The following AKAP9 variants were observed in gnomAD, a reference collection of about 807,000 sequenced individuals.
AKAP9 encodes the protein A-kinase anchor protein 9.
AKAP9 carries 311 observed loss-of-function variants against 488.5 expected under a neutral mutation model. The observed-to-expected ratio is 0.64, with a 90% CI of 0.58 to 0.70. AKAP9 has a LOEUF of 0.70. Among genes scored for constraint, AKAP9 ranks in the 30% least tolerant of loss-of-function variants. The pLI, the probability that AKAP9 is intolerant of heterozygous loss-of-function variation, is 0.00. For synonymous variants in AKAP9, 1,462 were observed against 1,483.5 expected (o/e 0.99, Z 0.33); for missense variants, 4,215 against 4,374.5 (o/e 0.96, Z 1.03).
intron 7 of AKAP9, among the ~76,000 whole-genome samples, chr7:91,999,065 C>T (rs1339698785): frequency 6.6e-6 from 1 of 152,074 alleles, no homozygotes; most frequent in Admixed American, 6.6e-5. Context: ...GAATTTTGCC[C>T]AAGAGGCTGC....
intron 8 of AKAP9, among the ~76,000 whole-genome samples, chr7:92,007,942 G>A (rs1800139779): frequency 6.6e-6 from 1 of 152,110 alleles, no homozygotes. Flanking sequence ...TAGTTCTAGA[G>A]GCTAGAATAT....
chr7:91,941,233 G>T lies in AKAP9; in HGVS notation c.48+86G>T. On this transcript the variant is annotated intron_variant, in intron 1 of 49. Coordinates refer to ENST00000356239, the MANE Select transcript of AKAP9 (RefSeq NM_005751.5). ...GGGGGCCTGGGAAGCGGAGTTCGCC[G>T]CAGCCCCAGTGCACTGCCCGAGAGG... 6.6e-6 allele frequency: 9 copies of T among 1,363,694 alleles called. No homozygotes were observed. In the South Asian group the frequency reaches 8.2e-5, roughly 12 times the overall value. The allele number at this position is 1,363,694 out of a possible 1,614,324, so 84.5% of individuals were successfully genotyped here.
intron 24 of AKAP9, among the ~76,000 whole-genome samples, chr7:92,064,925 AG>A (rs1810524647): frequency 6.6e-6 from 1 of 151,932 alleles, no homozygotes; most frequent in Middle Eastern, 3.2e-3. Context: ...TTTGCCCAGT[AG>A]TAAAAATAGA....
intron 3 of AKAP9, among the ~76,000 whole-genome samples, chr7:91,985,582 T>C (rs1263916863): frequency 2.6e-5 from 4 of 152,198 alleles, no homozygotes; most frequent in Non-Finnish European, 4.4e-5. Flanking sequence ...TCTTTTTTGT[T>C]GTGTCTCTGC....
At chr7:91,994,474 G>T in intron 5 of AKAP9, 147 bp from the exon 6 acceptor site, 1 of 724,886 alleles carries the variant, frequency 1.4e-6, no homozygotes, top group Non-Finnish European at 2.2e-6. Flanking sequence ...ACCAATTTCT[G>T]TAAGTTAATA....
chr7:92,095,837 ACT>A (rs1480415264), intron 40 of AKAP9, among the ~76,000 whole-genome samples: 1 of 151,986 alleles, frequency 6.6e-6, no homozygotes, highest in Admixed American at 6.6e-5. Context: ...GGCAAAGAGA[ACT>A]CTCTGCCCGG....
Position 92,099,813 on chromosome 7 carries a change from A to G in AKAP9, c.10840A>G (p.Met3614Val), listed in dbSNP as rs34327395. Residue 3614 changes from methionine to valine, a missense_variant, in exon 44 of 50, where the codon ATG (methionine) becomes GTG (valine). Met to Val is a conservative substitution (Grantham distance 21). Transcript: ENST00000356239. ...GAAGAATGACTTAAGGAACATGGTT[A>G]TGAAGCTGGAAGAGCAGATCAGGTG... ...EEKNDLRNMVMKLEEQIRWYR... is the reference protein window; with the variant it reads ...EEKNDLRNMVVKLEEQIRWYR... The G allele has an allele frequency of 9.4e-3, 15,197 of 1,614,124 alleles. 101 individuals carry two copies. The highest frequency in any genetic ancestry group is 0.011 in the Middle Eastern group (68 of 6,062).
intron 8 of AKAP9, among the ~76,000 whole-genome samples, chr7:92,009,178 G>A (rs1187020099): frequency 2.0e-5 from 3 of 151,964 alleles, no homozygotes; most frequent in African/African-American, 7.2e-5. Flanking sequence ...AAATCAGCCA[G>A]ATGTCTGCAG....
At chr7:92,074,978 T>A (rs1812333058) in intron 28 of AKAP9, among the ~76,000 whole-genome samples, 1 of 152,076 alleles carries the variant, frequency 6.6e-6, no homozygotes, top group Non-Finnish European at 1.5e-5. Flanking sequence ...ACCTATGCAT[T>A]CTGCACATGT....
intron 14 of AKAP9, among the ~76,000 whole-genome samples, chr7:92,027,670 ATGTGAGGAGCGCCTCTGCCTGGCCG>A (rs1563008458): frequency 4.1e-5 from 6 of 145,558 alleles, no homozygotes; most frequent in African/African-American, 7.8e-5. Context: ...CCCGTCTGGG[ATGTGAGGAGCGCCTCTGCCTGGCCG>A]CCCCGTCTGG....
intron 22 of AKAP9, among the ~76,000 whole-genome samples, chr7:92,058,753 A>G (rs1809247175): frequency 6.6e-6 from 1 of 152,074 alleles, no homozygotes; most frequent in Non-Finnish European, 1.5e-5. Context: ...TATGATACTT[A>G]TAAGACAGCT....
intron 4 of AKAP9, among the ~76,000 whole-genome samples, chr7:91,992,444 A>G (rs1189862197): frequency 6.6e-6 from 1 of 152,092 alleles, no homozygotes. Flanking sequence ...CAGGTGGATC[A>G]CCTGAGATAA....
chr7:92,025,515 A>G (rs1272405902), intron 14 of AKAP9, among the ~76,000 whole-genome samples: 1 of 152,234 alleles, frequency 6.6e-6, no homozygotes, highest in Non-Finnish European at 1.5e-5. Flanking sequence ...CATTTTGAAT[A>G]GAGTATACTG....
chr7:92,022,459 C>T lies in AKAP9; in HGVS notation c.3952+107C>T, dbSNP rs75375774. 0.034 allele frequency: 26,474 copies of T among 782,370 alleles called. 2,535 individuals are homozygous for T. Among genetic ancestry groups the T allele is most frequent in the East Asian group, 0.33 (13,090 of 39,118 alleles). 48.5% of individuals were successfully genotyped at this position (782,370 alleles called of 1,614,324 possible). ...TAACGTAGTGACCTTTGGCATTTCA[C>T]TGTAGCCTCTCTGATCTCAATTTTT... On this transcript the variant is annotated intron_variant, in intron 13 of 49. Transcript: ENST00000356239.
intron 3 of AKAP9, among the ~76,000 whole-genome samples, chr7:91,989,504 G>A (rs928383328): frequency 2.2e-4 from 33 of 152,018 alleles, no homozygotes; most frequent in Non-Finnish European, 3.8e-4. Flanking sequence ...GTTATTTGGA[G>A]GAAGTTGGGA....
At chr7:91,956,151 G>A (rs559366819) in intron 1 of AKAP9, among the ~76,000 whole-genome samples, 36 of 151,580 alleles carry the variant, frequency 2.4e-4, no homozygotes, top group African/African-American at 8.5e-4. Context: ...CTGTGGTCCC[G>A]GCACTTTGGG....
At chr7:92,073,479 G>T (rs991332821) in intron 28 of AKAP9, among the ~76,000 whole-genome samples, 1 of 151,620 alleles carries the variant, frequency 6.6e-6, no homozygotes, top group African/African-American at 2.4e-5. Flanking sequence ...GCACTCTAGC[G>T]TGGGCAACAG....
intron 1 of AKAP9, among the ~76,000 whole-genome samples, chr7:91,946,394 G>A (rs1026375574): frequency 9.8e-6 from 1 of 102,382 alleles, no homozygotes; most frequent in Non-Finnish European, 1.9e-5. Context: ...TAACCTTCAG[G>A]CTTTTTTTTT....
chr7:91,988,797 G>T (rs1341497817), intron 3 of AKAP9, among the ~76,000 whole-genome samples: 2 of 151,944 alleles, frequency 1.3e-5, no homozygotes, highest in Non-Finnish European at 2.9e-5. Flanking sequence ...AATACAGTTT[G>T]TTTTTTTATT....
Sources: allele counts gnomAD v4.1 joint callset (sites outside exome capture counted in the v4.1 genomes callset), GRCh38; gene constraint gnomAD v4.1.1; transcripts MANE v1.5; gene names NCBI Gene and HGNC (gene_info 2026-07-23, HGNC 2026-07-21).